CHST11: variants seen among roughly 807,000 people sequenced by gnomAD.
CHST11 encodes the protein C4S-1.
In CHST11, 9 loss-of-function variants were observed where a neutral mutation model predicts 30.4. The observed-to-expected ratio is 0.30, with a 90% confidence interval of 0.18 to 0.52. The LOEUF (loss-of-function observed/expected upper bound fraction) is 0.52, where lower values mean the gene tolerates loss of function less well. Among genes scored for constraint, CHST11 ranks in the 20% least tolerant of loss-of-function variants. The probability of loss-of-function intolerance (pLI) is 0.97; values close to 1 mark genes in which losing one functional copy is unlikely to be tolerated. For missense variants in CHST11, 348 were observed against 460.6 expected, an observed-to-expected ratio of 0.76 and a Z score of 2.24; for synonymous variants, 152 against 187.8, an observed-to-expected ratio of 0.81 and a Z score of 1.56.
chr12:104,662,668 G>A (rs2039608009), intron 2 of CHST11, among the ~76,000 whole-genome samples: 1 of 152,134 alleles, frequency 6.6e-6, no homozygotes, highest in African/African-American at 2.4e-5. Flanking sequence ...GTACCAGATG[G>A]GAGATCAGGA....
chr12:104,534,306 A>T (rs2038214976), intron 1 of CHST11, among the ~76,000 whole-genome samples: 1 of 152,172 alleles, frequency 6.6e-6, no homozygotes, highest in Admixed American at 6.5e-5. Flanking sequence ...TGACAGTGTG[A>T]TATGGGCCAC....
intron 1 of CHST11, among the ~76,000 whole-genome samples, chr12:104,598,057 A>T (rs1190647309): frequency 6.6e-6 from 1 of 152,220 alleles, no homozygotes; most frequent in South Asian, 2.1e-4. Flanking sequence ...AAATATGTGA[A>T]CTGCTTGGCG....
At chr12:104,503,361 C>T (rs755493820) in intron 1 of CHST11, among the ~76,000 whole-genome samples, 4 of 152,178 alleles carry the variant, frequency 2.6e-5, no homozygotes, top group Non-Finnish European at 5.9e-5. Context: ...GCATTCTAAC[C>T]CCAAATCTGC....
rs1347176407 is a variant in CHST11 at position 104,541,122 on chromosome 12, TCTCTCTCTCA to T, written c.119-60782_119-60773del. ...ATTCTGCAGAATCTCTCCCTCTCTCTCTCTCTCTCACACACACACACACACACACACACAC... is the reference window on the plus strand; with the variant it reads ...ATTCTGCAGAATCTCTCCCTCTCTCTCACACACACACACACACACACACAC... On this transcript the variant is annotated intron_variant, in intron 1 of 2. Transcript: ENST00000303694. Among the ~76,000 whole-genome samples, 77 of 63,142 alleles carry T rather than the reference TCTCTCTCTCA, an allele frequency of 1.2e-3. No individual in the cohort carries two copies. In the East Asian group the frequency reaches 0.018, roughly 15 times the overall value. 41.4% of individuals were successfully genotyped at this position (63,142 alleles called of 152,430 possible).
intron 1 of CHST11, among the ~76,000 whole-genome samples, chr12:104,472,563 A>G (rs1383232603): frequency 6.6e-6 from 1 of 152,208 alleles, no homozygotes; most frequent in Non-Finnish European, 1.5e-5. Context: ...CAGATGAGGC[A>G]ATGGAGACTC....
intron 1 of CHST11, among the ~76,000 whole-genome samples, chr12:104,544,769 T>TCCCCCCCCG (rs199741884): frequency 1.6e-4 from 8 of 51,458 alleles, no homozygotes; most frequent in South Asian, 3.0e-3. Flanking sequence ...GGGGTCACAG[T>TCCCCCCCCG]CCCCCCACCC....
At chr12:104,655,188 G>A (rs900301453) in intron 2 of CHST11, among the ~76,000 whole-genome samples, 3 of 152,256 alleles carry the variant, frequency 2.0e-5, no homozygotes, top group Non-Finnish European at 4.4e-5. Context: ...GTTTCTGCAT[G>A]CCTTGCTTTT....
At chr12:104,698,963 A>G (rs1489430459) in intron 2 of CHST11, among the ~76,000 whole-genome samples, 1 of 152,218 alleles carries the variant, frequency 6.6e-6, no homozygotes, top group Non-Finnish European at 1.5e-5. Flanking sequence ...TTTCCTAATC[A>G]ATATGAATTA....
At chr12:104,558,020 C>A (rs553541340) in intron 1 of CHST11, among the ~76,000 whole-genome samples, 50 of 152,074 alleles carry the variant, frequency 3.3e-4, no homozygotes, top group Non-Finnish European at 5.6e-4. Flanking sequence ...CCAGAGAGGA[C>A]CAGCTCTGCT....
At chr12:104,740,396 C>G in intron 2 of CHST11, among the ~76,000 whole-genome samples, 1 of 152,228 alleles carries the variant, frequency 6.6e-6, no homozygotes, top group African/African-American at 2.4e-5. Flanking sequence ...CCCTCTCACT[C>G]TGCCCTGGAA....
chr12:104,644,731 A>G (rs1271501209), intron 2 of CHST11, among the ~76,000 whole-genome samples: 1 of 152,194 alleles, frequency 6.6e-6, no homozygotes, highest in African/African-American at 2.4e-5. Flanking sequence ...CAGACTGACC[A>G]GTGTAGGTAG....
At chr12:104,707,418 C>T (rs193208141) in intron 2 of CHST11, among the ~76,000 whole-genome samples, 6 of 152,184 alleles carry the variant, frequency 3.9e-5, no homozygotes, top group South Asian at 2.1e-4. Flanking sequence ...TAAAAAATAG[C>T]GCACACTACA....
intron 2 of CHST11, among the ~76,000 whole-genome samples, chr12:104,643,144 T>C (rs984825932): frequency 6.6e-5 from 10 of 151,938 alleles, no homozygotes; most frequent in African/African-American, 2.4e-4. Flanking sequence ...GGCAACATAG[T>C]GAGACCCCTG....
intron 2 of CHST11, among the ~76,000 whole-genome samples, chr12:104,633,516 G>GCT (rs1273219426): frequency 6.0e-5 from 9 of 150,170 alleles, no homozygotes; most frequent in Non-Finnish European, 8.8e-5. Context: ...TTGGGTTCAG[G>GCT]CAATTCTCGT....
intron 1 of CHST11, among the ~76,000 whole-genome samples, chr12:104,492,738 A>C (rs1248676457): frequency 6.6e-6 from 1 of 152,232 alleles, no homozygotes; most frequent in Non-Finnish European, 1.5e-5. Context: ...TTTAGTAATA[A>C]GAATCCAGGA....
At position 104,567,223 on chromosome 12, in the gene CHST11, C is replaced by T. The variant is rs1382941481; in HGVS notation, c.119-34683C>T. Among the ~76,000 whole-genome samples, 3 of 152,242 alleles carry T rather than the reference C, an allele frequency of 2.0e-5. No homozygotes were observed. The East Asian group carries it at 5.8e-4, about 29-fold the overall frequency. On this transcript the variant is annotated intron_variant, in intron 1 of 2. Transcript: ENST00000303694. ...TGAGCTGCATGTGTCAGATGGGCCA[C>T]ATCACCTGGAGCAGGCAGAATGCAC...
intron 2 of CHST11, among the ~76,000 whole-genome samples, chr12:104,643,954 C>A (rs1367183088): frequency 6.6e-6 from 1 of 152,146 alleles, no homozygotes; most frequent in Non-Finnish European, 1.5e-5. Context: ...TTCTTATTTC[C>A]TCTGGAGTTT....
At chr12:104,657,755 G>A (rs954054746) in intron 2 of CHST11, among the ~76,000 whole-genome samples, 28 of 152,126 alleles carry the variant, frequency 1.8e-4, no homozygotes, top group Admixed American at 7.2e-4. Context: ...CCACCTTCAC[G>A]CTCTGGACTC....
Position 104,458,835 on chromosome 12 carries a change from T to C in CHST11, c.118+1306T>C, listed in dbSNP as rs1036093186. 3.9e-5 allele frequency among the ~76,000 whole-genome samples: 6 copies of C among 152,260 alleles called. No homozygotes were observed. Among genetic ancestry groups the C allele is most frequent in the African/African-American group, 1.4e-4 (6 of 41,472 alleles). On this transcript the variant is annotated intron_variant, in intron 1 of 2. Coordinates refer to ENST00000303694, the MANE Select transcript of CHST11 (RefSeq NM_018413.6). The surrounding 1 kb of genome is among the most constrained non-coding windows in gnomAD (Gnocchi z 5.7). Reference sequence around the variant, plus strand: ...TTTGCCTCCCGCCTTCTCCTTTCACTGTGTATCTAACACTTTAAACAGACG... The same window carrying C: ...TTTGCCTCCCGCCTTCTCCTTTCACCGTGTATCTAACACTTTAAACAGACG...
Sources: gnomAD v4.1 joint callset for allele counts (sites outside exome capture counted in the v4.1 genomes callset) on GRCh38, gnomAD v4.1.1 for gene constraint, Gnocchi (gnomAD v3.1) non-coding constraint, MANE v1.5 for transcripts, NCBI Gene and HGNC (gene_info 2026-07-23, HGNC 2026-07-21) for gene names.